STARD13: variants seen among roughly 807,000 people sequenced by gnomAD.
The protein encoded by STARD13 is stAR-related lipid transfer protein 13.
In STARD13, 62 loss-of-function variants were observed where a neutral mutation model predicts 106.4. The ratio of observed to expected loss-of-function variants is 0.58; its 90% CI spans 0.48 to 0.72. The LOEUF is 0.72. Among genes scored for constraint, STARD13 ranks in the 30% least tolerant of loss-of-function variants. The pLI is 0.00. For missense variants in STARD13, 1,387 were observed against 1,424.0 expected (o/e 0.97, Z 0.42); for synonymous variants, 565 against 553.0 (o/e 1.02, Z -0.31).
chr13:33,579,710 ACT>A, the STARD13 span, among the ~76,000 whole-genome samples: 1 of 151,136 alleles, frequency 6.6e-6, no homozygotes, highest in Non-Finnish European at 1.5e-5. Context: ...TACAAAAAAA[ACT>A]CTTAAAGCTG....
chr13:33,520,550 T>G, the STARD13 span, among the ~76,000 whole-genome samples: 19,672 of 152,120 alleles, frequency 0.13, 1,446 homozygotes, highest in East Asian at 0.2. Context: ...GCGGCCAGTC[T>G]AACTTCATCT....
At chr13:33,442,267 C>T in the STARD13 span, among the ~76,000 whole-genome samples, 26 of 152,188 alleles carry the variant, frequency 1.7e-4, no homozygotes, top group South Asian at 1.4e-3. Context: ...TTAAGCCTCA[C>T]GGCTTGAAAA....
At chr13:33,631,055 G>C in the STARD13 span, among the ~76,000 whole-genome samples, 1,578 of 152,282 alleles carry the variant, frequency 0.01, 25 homozygotes, top group African/African-American at 0.036. Flanking sequence ...TCTGCTGTCA[G>C]CCCAGTGTGC....
chr13:33,646,320 C>T, the STARD13 span, among the ~76,000 whole-genome samples: 19 of 152,158 alleles, frequency 1.2e-4, no homozygotes, highest in Non-Finnish European at 2.5e-4. Context: ...TATCCTGTTG[C>T]TCTTTTTGTT....
intron 1 of STARD13, among the ~76,000 whole-genome samples, chr13:33,210,301 A>G (rs938815225): frequency 1.3e-5 from 2 of 152,230 alleles, no homozygotes; most frequent in African/African-American, 2.4e-5. Context: ...TGAAGAACAC[A>G]GTATTTCACA....
the STARD13 span, among the ~76,000 whole-genome samples, chr13:33,572,097 C>T: frequency 4.6e-5 from 7 of 152,188 alleles, no homozygotes; most frequent in Non-Finnish European, 8.8e-5. Context: ...TTCTTGTTTT[C>T]TGCCTGCATA....
chr13:33,596,647 CCTT>C, the STARD13 span, among the ~76,000 whole-genome samples: 2 of 152,222 alleles, frequency 1.3e-5, no homozygotes, highest in East Asian at 3.9e-4. Context: ...TGGAATTATT[CCTT>C]CTAACTGTAT....
chr13:33,517,456 CA>C, the STARD13 span, among the ~76,000 whole-genome samples: 1 of 152,042 alleles, frequency 6.6e-6, no homozygotes, highest in Non-Finnish European at 1.5e-5. Context: ...AGACTTAAAC[CA>C]AAGTTGGCAG....
chr13:33,475,803 A>G, the STARD13 span, among the ~76,000 whole-genome samples: 4 of 152,034 alleles, frequency 2.6e-5, no homozygotes, highest in Non-Finnish European at 2.9e-5. Context: ...TAAAAATACA[A>G]AAAGTTAGCT....
chr13:33,205,571 C>A (rs1175476390), intron 1 of STARD13, among the ~76,000 whole-genome samples: 1 of 152,198 alleles, frequency 6.6e-6, no homozygotes, highest in Non-Finnish European at 1.5e-5. Flanking sequence ...TAAAACAATT[C>A]TCTCTGAGAT....
the STARD13 span, among the ~76,000 whole-genome samples, chr13:33,528,240 A>G: frequency 4.6e-5 from 6 of 130,948 alleles, no homozygotes; most frequent in Admixed American, 4.5e-4. Flanking sequence ...ATATATATAT[A>G]TACATATATA....
upstream of STARD13, among the ~76,000 whole-genome samples, chr13:33,354,308 A>G (rs1317039424): frequency 1.3e-5 from 2 of 152,034 alleles, no homozygotes; most frequent in African/African-American, 4.8e-5. Context: ...GAATGCCCTT[A>G]CCCTAATTTT....
chr13:33,305,555 G>T (rs1233231943), intron 1 of STARD13, among the ~76,000 whole-genome samples: 2 of 152,188 alleles, frequency 1.3e-5, no homozygotes, highest in Non-Finnish European at 2.9e-5. Flanking sequence ...CTCCCTGCAT[G>T]GAGTAGACAA....
the STARD13 span, among the ~76,000 whole-genome samples, chr13:33,643,540 T>A: frequency 6.6e-6 from 1 of 152,240 alleles, no homozygotes; most frequent in African/African-American, 2.4e-5. Context: ...TTGAGAAATA[T>A]AGACTTGAGA....
rs560779405 is a variant in STARD13 at position 33,260,694 on chromosome 13, C to T, written c.169+24776G>A. Among the ~76,000 whole-genome samples, 24 of 152,278 alleles carry T rather than the reference C, an allele frequency of 1.6e-4. No individual in the cohort carries two copies. In the South Asian group the frequency reaches 4.2e-3, roughly 26 times the overall value. On this transcript the variant is annotated intron_variant, in intron 1 of 13. Coordinates refer to ENST00000336934, the MANE Select transcript of STARD13 (RefSeq NM_178006.4). ...TACATCAACTAATATCTAGATATTG[C>T]GACTTCTTTTATCTACATTTGAAAC...
the STARD13 span, among the ~76,000 whole-genome samples, chr13:33,577,912 A>G: frequency 6.6e-6 from 1 of 152,102 alleles, no homozygotes; most frequent in African/African-American, 2.4e-5. Context: ...TGCTGTTAAG[A>G]TAATGAAAAG....
chr13:33,491,808 T>C, the STARD13 span, among the ~76,000 whole-genome samples: 1 of 152,228 alleles, frequency 6.6e-6, no homozygotes, highest in Non-Finnish European at 1.5e-5. Context: ...AGGATTCTTC[T>C]GAGGAACCTA....
At chr13:33,293,486 C>A (rs1325575928) in intron 1 of STARD13, among the ~76,000 whole-genome samples, 1 of 152,054 alleles carries the variant, frequency 6.6e-6, no homozygotes, top group Non-Finnish European at 1.5e-5. Context: ...TTGGATTGAA[C>A]AAGGATTGGA....
intron 1 of STARD13, among the ~76,000 whole-genome samples, chr13:33,196,877 A>G (rs1483514495): frequency 6.6e-6 from 1 of 152,224 alleles, no homozygotes; most frequent in Non-Finnish European, 1.5e-5. Context: ...GAACTAGTGT[A>G]AAATTGTCTG....
Sources: gnomAD v4.1 joint callset for allele counts (sites outside exome capture counted in the v4.1 genomes callset) on GRCh38, gnomAD v4.1.1 for gene constraint, MANE v1.5 for transcripts, NCBI Gene and HGNC (gene_info 2026-07-23, HGNC 2026-07-21) for gene names.